The following NRG1 variants were observed in gnomAD, a reference collection of about 807,000 sequenced individuals.
NRG1 encodes pro-neuregulin-1, membrane-bound isoform.
NRG1 carries 18 observed loss-of-function variants against 63.8 expected under a neutral mutation model. That is an observed-to-expected ratio of 0.28 (90% CI 0.19 to 0.42). The LOEUF (loss-of-function observed/expected upper bound fraction) is 0.42. Ranked by LOEUF, NRG1 falls within the 10% of genes least tolerant of loss-of-function variation. The probability of loss-of-function intolerance (pLI) is 1.00; values close to 1 mark genes in which losing one functional copy is unlikely to be tolerated. For synonymous variants in NRG1, 302 were observed against 301.3 expected (o/e 1.00, Z -0.02); for missense variants, 762 against 814.7 (o/e 0.94, Z 0.79).
chr8:32,267,110 G>A (rs1318194042), intron 1 of NRG1, among the ~76,000 whole-genome samples: 4 of 143,812 alleles, frequency 2.8e-5, no homozygotes, highest in Non-Finnish European at 4.5e-5. Flanking sequence ...AAGGAAGGAA[G>A]GAGGGAAGGA....
intron 1 of NRG1, among the ~76,000 whole-genome samples, chr8:32,431,948 G>T (rs1239459948): frequency 6.6e-6 from 1 of 152,132 alleles, no homozygotes. Flanking sequence ...ACAGGGAAAA[G>T]GTGTTACTCC....
chr8:31,788,883 T>C (rs1426624103), intron 1 of NRG1, among the ~76,000 whole-genome samples: 2 of 152,214 alleles, frequency 1.3e-5, no homozygotes, highest in Admixed American at 6.5e-5. Context: ...CTGTCTCTTA[T>C]AGTGAGGCAG....
Position 32,756,533 on chromosome 8 carries a change from C to G in NRG1, c.921+4C>G, listed in dbSNP as rs763659484. Reference sequence around the variant, plus strand: ...CGAGAATGTCCAGCTGGTGAATGTACGTTGACTCTGGCCAGTGGAAAAAAC... The same window carrying G: ...CGAGAATGTCCAGCTGGTGAATGTAGGTTGACTCTGGCCAGTGGAAAAAAC... On this transcript the variant is annotated splice_donor_region_variant and intron_variant, in intron 9 of 11. Transcript: ENST00000356819. 5 of 1,608,900 alleles carry G rather than the reference C, an allele frequency of 3.1e-6. No homozygotes were observed. The highest frequency in any genetic ancestry group is 4.2e-6 in the Non-Finnish European group (5 of 1,177,984).
intron 1 of NRG1, among the ~76,000 whole-genome samples, chr8:31,670,664 T>A (rs570493316): frequency 4.1e-4 from 63 of 152,182 alleles, no homozygotes; most frequent in South Asian, 1.2e-3. Flanking sequence ...TTGGCTCCCA[T>A]TACATTTTGG....
intron 1 of NRG1, among the ~76,000 whole-genome samples, chr8:32,216,094 C>A (rs1173513586): frequency 6.6e-6 from 1 of 151,054 alleles, no homozygotes; most frequent in African/African-American, 2.4e-5. Flanking sequence ...CTACATAAAT[C>A]TATACATTAT....
intron 1 of NRG1, among the ~76,000 whole-genome samples, chr8:32,539,893 T>C (rs1334958188): frequency 6.6e-6 from 1 of 152,168 alleles, no homozygotes; most frequent in Non-Finnish European, 1.5e-5. Flanking sequence ...CAATGTCCCC[T>C]AGGCATAAAA....
chr8:32,512,764 C>G (rs569781089), intron 1 of NRG1, among the ~76,000 whole-genome samples: 1 of 152,024 alleles, frequency 6.6e-6, no homozygotes, highest in African/African-American at 2.4e-5. Context: ...GGATGCTTTA[C>G]GTAGGAGGTG....
intron 1 of NRG1, among the ~76,000 whole-genome samples, chr8:32,530,112 T>A (rs1408525348): frequency 6.6e-6 from 1 of 151,970 alleles, no homozygotes; most frequent in African/African-American, 2.4e-5. Context: ...AATCCTTTTT[T>A]TTTTCTTTTT....
rs75077875 is a variant in NRG1 at position 32,412,504 on chromosome 8, C to T, written c.38-183324C>T. Among the ~76,000 whole-genome samples the T allele has an allele frequency of 5.8e-3, 781 of 134,744 alleles. 11 individuals carry two copies. Among genetic ancestry groups the T allele is most frequent in the African/African-American group, 0.02 (749 of 37,002 alleles). 88.4% of individuals were successfully genotyped at this position (134,744 alleles called of 152,430 possible). A position where few individuals can be genotyped will look rare whatever the true frequency, so the allele number is the denominator to read the frequency against. On this transcript the variant is annotated intron_variant, in intron 1 of 10. Transcript: ENST00000519301. Reference sequence around the variant, plus strand: ...CAGATACATCCTATTGGTTCTGTTTCTCTGGAGAACCCTGACTAATATACA... The same window carrying T: ...CAGATACATCCTATTGGTTCTGTTTTTCTGGAGAACCCTGACTAATATACA...
chr8:31,978,483 T>C (rs1303439442), intron 1 of NRG1, among the ~76,000 whole-genome samples: 2 of 152,134 alleles, frequency 1.3e-5, no homozygotes, highest in African/African-American at 4.8e-5. Context: ...CCAAATGATA[T>C]ATAATTTGCA....
At chr8:32,436,553 C>T (rs1307108562) in intron 1 of NRG1, among the ~76,000 whole-genome samples, 2 of 152,170 alleles carry the variant, frequency 1.3e-5, no homozygotes, top group Non-Finnish European at 2.9e-5. Context: ...TTTATCCTTT[C>T]CTACTTCATC....
In NRG1 at chr8:32,363,357, T is replaced by A. The variant is rs138210839; in HGVS notation, c.38-232471T>A. On this transcript the variant is annotated intron_variant, in intron 1 of 10. Coordinates refer to the NRG1 transcript ENST00000519301. ...ATTCGAGTGCATTGAAATGCATCAG[T>A]CAGTACACAGATACAAGGGCTTCTG... Among the ~76,000 whole-genome samples, 153 of 152,306 alleles carry A rather than the reference T, an allele frequency of 1.0e-3. 1 individual carries two copies. Among genetic ancestry groups the A allele is most frequent in the African/African-American group, 3.5e-3 (145 of 41,572 alleles).
chr8:31,986,780 T>C (rs1810141197), intron 1 of NRG1, among the ~76,000 whole-genome samples: 1 of 152,082 alleles, frequency 6.6e-6, no homozygotes, highest in Non-Finnish European at 1.5e-5. Flanking sequence ...AAATAGAATC[T>C]CTCTTTCTTG....
At chr8:31,855,102 G>C (rs1827709196) in intron 1 of NRG1, among the ~76,000 whole-genome samples, 1 of 151,992 alleles carries the variant, frequency 6.6e-6, no homozygotes, top group African/African-American at 2.4e-5. Flanking sequence ...ATTTGGGGTG[G>C]AGAGTTCTGT....
intron 1 of NRG1, among the ~76,000 whole-genome samples, chr8:32,461,472 G>A (rs960938085): frequency 1.1e-4 from 17 of 152,174 alleles, no homozygotes; most frequent in South Asian, 2.1e-4. Flanking sequence ...GCCGAGGTGA[G>A]TGGATCACTT....
intron 5 of NRG1, among the ~76,000 whole-genome samples, chr8:32,697,142 G>T (rs1813575866): frequency 6.6e-6 from 1 of 152,202 alleles, no homozygotes; most frequent in African/African-American, 2.4e-5. Context: ...GTTCTTCAGA[G>T]AAGTGGATTG....
chr8:32,245,885 C>A (rs1053875497), intron 1 of NRG1, among the ~76,000 whole-genome samples: 1 of 152,086 alleles, frequency 6.6e-6, no homozygotes, highest in African/African-American at 2.4e-5. Context: ...CTATAAATTT[C>A]AGTAAATGCC....
chr8:31,779,899 A>G (rs1409234678), intron 1 of NRG1, among the ~76,000 whole-genome samples: 2 of 152,262 alleles, frequency 1.3e-5, no homozygotes, highest in Non-Finnish European at 1.5e-5. Context: ...TGTTATCTAC[A>G]GTCATTAGGG....
chr8:32,171,595 A>G (rs890674311), intron 1 of NRG1: 4 of 152,408 alleles, frequency 2.6e-5, no homozygotes. Flanking sequence ...TCCCTTTTCT[A>G]GTCAAAGAAA....
Sources: allele counts gnomAD v4.1 joint callset (sites outside exome capture counted in the v4.1 genomes callset), GRCh38; gene constraint gnomAD v4.1.1; transcripts MANE v1.5; gene names NCBI Gene and HGNC (gene_info 2026-07-23, HGNC 2026-07-21).